Variants in INSL6 observed in about 807,000 individuals in gnomAD.
INSL6 encodes insulin like 6.
In INSL6, 16 loss-of-function variants were observed where a neutral mutation model predicts 9.4. The observed-to-expected ratio is 1.70, with a 90% CI of 1.15 to 2.59. INSL6 has a LOEUF of 2.59. INSL6 is among the 30% of genes most tolerant of loss of function. The pLI, the probability that INSL6 is intolerant of heterozygous loss-of-function variation, is 0.00. For synonymous variants in INSL6, 154 were observed against 96.9 expected (o/e 1.59, Z -3.46); for missense variants, 391 against 257.3 (o/e 1.52, Z -3.56).
intron 1 of INSL6, among the ~76,000 whole-genome samples, chr9:5,183,946 A>G (rs1825512017): frequency 6.6e-6 from 1 of 152,190 alleles, no homozygotes; most frequent in South Asian, 2.1e-4. Context: ...TCATATGCAC[A>G]TTAAAGCGTG....
intron 1 of INSL6, among the ~76,000 whole-genome samples, chr9:5,174,239 C>G (rs1342675170): frequency 6.6e-6 from 1 of 152,184 alleles, no homozygotes. Flanking sequence ...ACCATGCCAG[C>G]TACCATCGTA....
At chr9:5,109,744 T>C in the INSL6 span, 1 of 152,202 alleles carries the variant, frequency 6.6e-6, no homozygotes, top group African/African-American at 2.4e-5. Flanking sequence ...CTCCATAATA[T>C]TTATTCTAGT....
At chr9:5,017,468 T>A in the INSL6 span, among the ~76,000 whole-genome samples, 1 of 152,256 alleles carries the variant, frequency 6.6e-6, no homozygotes, top group Admixed American at 6.5e-5. Flanking sequence ...TCCATCATTT[T>A]TATAGTTTCT....
the INSL6 span, among the ~76,000 whole-genome samples, chr9:5,012,911 A>G: frequency 6.6e-6 from 1 of 152,200 alleles, no homozygotes. Context: ...GACTTAGGGA[A>G]AATAGTTAGG....
At chr9:5,117,271 C>T in the INSL6 span, among the ~76,000 whole-genome samples, 1 of 152,120 alleles carries the variant, frequency 6.6e-6, no homozygotes, top group South Asian at 2.1e-4. Context: ...CATGGACGCC[C>T]AGTACATCAT....
downstream of INSL6, among the ~76,000 whole-genome samples, chr9:5,121,557 A>G (rs1354957612): frequency 1.3e-5 from 2 of 152,200 alleles, no homozygotes; most frequent in African/African-American, 2.4e-5. Flanking sequence ...TAAGGGTGCT[A>G]TCTTCCTTGA....
chr9:5,099,759 A>T, the INSL6 span: 435 of 152,304 alleles, frequency 2.9e-3, no homozygotes, highest in African/African-American at 0.01. Flanking sequence ...GACAAACCTG[A>T]TCCCTTATAA....
At chr9:5,087,958 T>C in the INSL6 span, among the ~76,000 whole-genome samples, 1 of 152,212 alleles carries the variant, frequency 6.6e-6, no homozygotes, top group East Asian at 1.9e-4. Context: ...ATTATTAATT[T>C]CAAGGAATAT....
At chr9:5,132,230 C>G (rs1824305473) in intron 3 of INSL6, 1 of 152,132 alleles carries the variant, frequency 6.6e-6, no homozygotes, top group Non-Finnish European at 1.5e-5. Flanking sequence ...AAAATTGAGA[C>G]TTTACTGTAC....
chr9:5,176,796 A>T (rs1427929227), intron 1 of INSL6, among the ~76,000 whole-genome samples: 1 of 152,138 alleles, frequency 6.6e-6, no homozygotes, highest in Admixed American at 6.5e-5. Context: ...AACCTATAGA[A>T]TCAACAAACT....
chr9:5,070,428 C>G, the INSL6 span, among the ~76,000 whole-genome samples: 1 of 151,916 alleles, frequency 6.6e-6, no homozygotes. Context: ...TCTCAGTGTC[C>G]ATGAGGGATT....
At chr9:5,070,000 C>T in the INSL6 span, 1 of 1,608,040 alleles carries the variant, frequency 6.2e-7, no homozygotes, top group Non-Finnish European at 8.5e-7. Context: ...CAGAGGCCTA[C>T]TCATATGAAC....
At chr9:5,131,386 T>C (rs968656873) in intron 3 of INSL6, among the ~76,000 whole-genome samples, 1 of 151,870 alleles carries the variant, frequency 6.6e-6, no homozygotes, top group African/African-American at 2.4e-5. Flanking sequence ...AGACTTCATC[T>C]TGATTTTTAA....
the INSL6 span, among the ~76,000 whole-genome samples, chr9:5,021,470 A>G: frequency 6.6e-6 from 1 of 152,210 alleles, no homozygotes; most frequent in African/African-American, 2.4e-5. Flanking sequence ...GTCCACAGGA[A>G]GTTTAAAATG....
chr9:5,162,865 T>C (rs1473652015), downstream of INSL6, among the ~76,000 whole-genome samples: 2 of 152,212 alleles, frequency 1.3e-5, no homozygotes, highest in Non-Finnish European at 2.9e-5. Flanking sequence ...ATCTCAAATG[T>C]TGCTTATCAA....
chr9:5,119,329 G>T (rs973026181), downstream of INSL6, among the ~76,000 whole-genome samples: 1 of 151,898 alleles, frequency 6.6e-6, no homozygotes, highest in African/African-American at 2.4e-5. Context: ...AGCTAATGAA[G>T]CATATCCAGA....
the INSL6 span, among the ~76,000 whole-genome samples, chr9:4,994,627 A>C: frequency 6.6e-6 from 1 of 152,246 alleles, no homozygotes; most frequent in East Asian, 1.9e-4. Context: ...GTGCAAAAGC[A>C]GTTATAGACA....
At chr9:5,128,321 G>A in intron 3 of INSL6, 1 of 222,246 alleles carries the variant, frequency 4.5e-6, no homozygotes, top group Non-Finnish European at 9.0e-6. Context: ...TAATAGTTCT[G>A]GATGCAGAAA....
chr9:5,082,210 A>G, the INSL6 span, among the ~76,000 whole-genome samples: 3 of 152,202 alleles, frequency 2.0e-5, no homozygotes, highest in Non-Finnish European at 2.9e-5. Flanking sequence ...TTTCCTCAGT[A>G]TTTATTACTG....
Sources: gnomAD v4.1 joint callset for allele counts (sites outside exome capture counted in the v4.1 genomes callset) on GRCh38, gnomAD v4.1.1 for gene constraint, MANE v1.5 for transcripts, NCBI Gene and HGNC (gene_info 2026-07-23, HGNC 2026-07-21) for gene names.